RPS6KC1: variants seen among roughly 807,000 people sequenced by gnomAD.
RPS6KC1 encodes the protein inactive ribosomal protein S6 kinase delta-1.
A neutral mutation model predicts 103.8 loss-of-function variants in RPS6KC1; 54 were observed. That is an observed-to-expected ratio of 0.52 (90% CI 0.42 to 0.65). The LOEUF is 0.65. RPS6KC1 is among the 30% of genes least tolerant of loss of function. The pLI is 0.00. For synonymous variants in RPS6KC1, 439 were observed against 438.7 expected (o/e 1.00, Z -0.01); for missense variants, 1,151 against 1,253.8 (o/e 0.92, Z 1.24).
the RPS6KC1 span, among the ~76,000 whole-genome samples, chr1:213,553,050 T>C: frequency 7.1e-4 from 108 of 152,288 alleles, no homozygotes; most frequent in African/African-American, 2.6e-3. Context: ...ATGTGCATGT[T>C]TGTTACATGG....
At chr1:213,663,555 C>A in the RPS6KC1 span, among the ~76,000 whole-genome samples, 1 of 152,204 alleles carries the variant, frequency 6.6e-6, no homozygotes. Flanking sequence ...AAATGATTTG[C>A]TAGGGCCACT....
At chr1:213,175,915 T>C (rs185409227) in intron 7 of RPS6KC1, among the ~76,000 whole-genome samples, 4 of 152,326 alleles carry the variant, frequency 2.6e-5, no homozygotes, top group South Asian at 2.1e-4. Context: ...GTAACAATTA[T>C]AGAACTGTAG....
chr1:213,502,836 T>C, the RPS6KC1 span, among the ~76,000 whole-genome samples: 1 of 152,292 alleles, frequency 6.6e-6, no homozygotes, highest in East Asian at 1.9e-4. Context: ...TTTTCATTTT[T>C]TAAATATTCT....
At chr1:213,844,119 C>G in the RPS6KC1 span, among the ~76,000 whole-genome samples, 5 of 152,138 alleles carry the variant, frequency 3.3e-5, no homozygotes, top group Non-Finnish European at 5.9e-5. Context: ...TTAGGCTATG[C>G]CATGCTGAAC....
At chr1:213,810,483 C>T in the RPS6KC1 span, among the ~76,000 whole-genome samples, 2 of 152,098 alleles carry the variant, frequency 1.3e-5, no homozygotes, top group Non-Finnish European at 2.9e-5. Context: ...ATACAGAAAA[C>T]CATGAGGAAT....
chr1:213,221,579 C>T (rs762429775), intron 8 of RPS6KC1, among the ~76,000 whole-genome samples: 6 of 152,170 alleles, frequency 3.9e-5, no homozygotes, highest in Non-Finnish European at 4.4e-5. Flanking sequence ...AGAACTTTCA[C>T]TGCTGAAATA....
rs2078050644 is a variant in RPS6KC1, at chr1:213,063,782, C to T, written c.106-7224C>T. 2.0e-5 allele frequency among the ~76,000 whole-genome samples: 3 copies of T among 152,172 alleles called. No individual in the cohort carries two copies. In the South Asian group the frequency reaches 6.2e-4, roughly 31 times the overall value. On this transcript the variant is annotated intron_variant, in intron 1 of 14. Transcript: ENST00000366960. ...AATTCTGCTGTAAACAACATTCCTT[C>T]TTAAAAAGAGGTAAATTGAATTGAT...
rs945083149 is a variant in RPS6KC1, at chr1:213,272,643, C to T, written c.*9C>T. 29 of 1,579,112 alleles carry T rather than the reference C, an allele frequency of 1.8e-5. No homozygotes were observed. Among genetic ancestry groups the T allele is most frequent in the Non-Finnish European group, 2.5e-5 (29 of 1,148,262 alleles). ...CAGAACTGATGAGATGAACGTAATG[C>T]AGGGTTATCTTCACACATTCTGATC... is the stretch of plus-strand genomic sequence containing the variant. On this transcript the variant is annotated 3_prime_UTR_variant, in exon 15 of 15. Coordinates refer to ENST00000366960, the MANE Select transcript of RPS6KC1 (RefSeq NM_012424.6).
the RPS6KC1 span, among the ~76,000 whole-genome samples, chr1:213,551,791 T>A: frequency 1.3e-5 from 2 of 152,232 alleles, no homozygotes; most frequent in Non-Finnish European, 2.9e-5. Flanking sequence ...GTATGACAGG[T>A]ATTCACCATT....
At chr1:213,578,001 G>A in the RPS6KC1 span, among the ~76,000 whole-genome samples, 1 of 152,222 alleles carries the variant, frequency 6.6e-6, no homozygotes, top group Non-Finnish European at 1.5e-5. Flanking sequence ...CTTCACAGCA[G>A]CCCCAAGCTG....
the RPS6KC1 span, among the ~76,000 whole-genome samples, chr1:213,600,188 T>G: frequency 6.6e-6 from 1 of 152,172 alleles, no homozygotes; most frequent in Non-Finnish European, 1.5e-5. Flanking sequence ...TCCCCAGCCA[T>G]GTGGAACTGT....
At chr1:213,811,001 C>T in the RPS6KC1 span, among the ~76,000 whole-genome samples, 2 of 152,154 alleles carry the variant, frequency 1.3e-5, no homozygotes, top group African/African-American at 4.8e-5. Context: ...CCAAGGACAA[C>T]TCTGGATTTA....
At chr1:213,213,758 T>C (rs1398371450) in intron 8 of RPS6KC1, among the ~76,000 whole-genome samples, 2 of 152,240 alleles carry the variant, frequency 1.3e-5, no homozygotes, top group Admixed American at 6.5e-5. Flanking sequence ...TATCAAAATA[T>C]GCTTATTTTC....
At chr1:213,732,797 T>G in the RPS6KC1 span, among the ~76,000 whole-genome samples, 1 of 152,198 alleles carries the variant, frequency 6.6e-6, no homozygotes, top group African/African-American at 2.4e-5. Context: ...TTTTAATCTC[T>G]TCAATTCCCC....
At chr1:213,433,520 C>T in the RPS6KC1 span, among the ~76,000 whole-genome samples, 9 of 152,158 alleles carry the variant, frequency 5.9e-5, no homozygotes, top group Admixed American at 4.6e-4. Flanking sequence ...CTGGATCATA[C>T]GGTGTGTGTT....
At chr1:213,205,536 T>TTATATATATATATCTATATATA (rs1441006046) in intron 8 of RPS6KC1, 1 of 82,292 alleles carries the variant, frequency 1.2e-5, no homozygotes, top group Non-Finnish European at 2.5e-5. Context: ...ACAAACTCAT[T>TTATATATATATATCTATATATA]TATATATATA....
At chr1:213,429,651 G>A in the RPS6KC1 span, among the ~76,000 whole-genome samples, 1 of 152,120 alleles carries the variant, frequency 6.6e-6, no homozygotes, top group Non-Finnish European at 1.5e-5. Flanking sequence ...GGCCCCCAAA[G>A]CAACTCTATG....
chr1:213,796,438 G>T, the RPS6KC1 span, among the ~76,000 whole-genome samples: 1 of 152,108 alleles, frequency 6.6e-6, no homozygotes, highest in East Asian at 1.9e-4. Flanking sequence ...AATGCCTTTT[G>T]TTCAGAGAGG....
At chr1:213,735,933 A>AT in the RPS6KC1 span, among the ~76,000 whole-genome samples, 7 of 152,136 alleles carry the variant, frequency 4.6e-5, no homozygotes, top group Admixed American at 4.6e-4. Context: ...TAATTTCTCT[A>AT]TGGAGCACTG....
Sources: gnomAD v4.1 joint callset for allele counts (sites outside exome capture counted in the v4.1 genomes callset) on GRCh38, gnomAD v4.1.1 for gene constraint, MANE v1.5 for transcripts, NCBI Gene and HGNC (gene_info 2026-07-23, HGNC 2026-07-21) for gene names.